Variants in CRACR2A observed in about 807,000 individuals in gnomAD.
The protein encoded by CRACR2A is EF-hand calcium-binding domain-containing protein 4B.
CRACR2A carries 79 observed loss-of-function variants against 90.5 expected under a neutral mutation model. That is an observed-to-expected ratio of 0.87 (90% CI 0.73 to 1.05). CRACR2A has a LOEUF of 1.05. Ranked by LOEUF, CRACR2A falls within the 50% of genes least tolerant of loss-of-function variation. The pLI, the probability that CRACR2A is intolerant of heterozygous loss-of-function variation, is 0.00. For missense variants in CRACR2A, 823 were observed against 897.2 expected, an observed-to-expected ratio of 0.92 and a Z score of 1.06; for synonymous variants, 338 against 356.7, an observed-to-expected ratio of 0.95 and a Z score of 0.59.
At chr12:3,656,488 T>G (rs1944911510) in intron 8 of CRACR2A, 82 bp from the exon 9 acceptor site, 1 of 1,247,022 alleles carries the variant, frequency 8.0e-7, no homozygotes, top group Non-Finnish European at 1.2e-6. Flanking sequence ...ACCTTGAACC[T>G]ACTCAACATC....
At chr12:3,640,899 A>G (rs1944554225) in intron 13 of CRACR2A, 1 of 1,149,672 alleles carries the variant, frequency 8.7e-7, no homozygotes, top group African/African-American at 1.6e-5. Context: ...AAGAGCAACA[A>G]AATGTGTTAT....
Position 3,634,312 on chromosome 12 carries a change from C to A in CRACR2A, c.1603-576G>T, listed in dbSNP as rs766926860. On this transcript the variant is annotated intron_variant, in intron 14 of 19. Coordinates refer to ENST00000440314, the MANE Select transcript of CRACR2A (RefSeq NM_001144958.2). The stretch of plus-strand genomic sequence containing the variant: ...GGATGCTTTTGCCTCCCTCTCCGTC[C>A]ATCTTATCGGTTCCCATCGAGGCAC... Among the ~76,000 whole-genome samples the A allele has an allele frequency of 2.0e-5, 3 of 152,254 alleles. No homozygotes were observed. The South Asian group carries it at 6.2e-4, about 32-fold the overall frequency.
Position 3,622,449 on chromosome 12 carries a change from A to T in CRACR2A, c.1933-3077T>A, listed in dbSNP as rs183771940. On this transcript the variant is annotated intron_variant, in intron 17 of 19. Coordinates refer to ENST00000440314, the MANE Select transcript of CRACR2A (RefSeq NM_001144958.2). Reference sequence around the variant, plus strand: ...CCCTCTAACAGAGAGCCTTCCCTCCACCTTCAGTTATTTCAGCTGCCTTTC... The same window carrying T: ...CCCTCTAACAGAGAGCCTTCCCTCCTCCTTCAGTTATTTCAGCTGCCTTTC... Among the ~76,000 whole-genome samples, 232 of 152,032 alleles carry T rather than the reference A, an allele frequency of 1.5e-3. 1 individual carries two copies. The highest frequency in any genetic ancestry group is 2.5e-3 in the Non-Finnish European group (173 of 67,986).
At chr12:3,697,749 T>C (rs528692518) in intron 3 of CRACR2A, among the ~76,000 whole-genome samples, 3 of 152,276 alleles carry the variant, frequency 2.0e-5, no homozygotes, top group African/African-American at 7.2e-5. Context: ...TTTATTTACG[T>C]AGGAGAAAAT....
intron 11 of CRACR2A, 72 bp downstream of exon 11, chr12:3,648,470 C>G: frequency 6.2e-7 from 1 of 1,612,124 alleles, no homozygotes; most frequent in Non-Finnish European, 8.5e-7. Flanking sequence ...CAAGGATGAC[C>G]CTCAGACTGG....
intron 3 of CRACR2A, 118 bp from the exon 4 acceptor site, chr12:3,697,153 T>G: frequency 8.1e-6 from 10 of 1,236,848 alleles, no homozygotes; most frequent in Middle Eastern, 2.3e-4. Context: ...CAGGAATCTC[T>G]TAGCAACTAC....
intron 10 of CRACR2A, among the ~76,000 whole-genome samples, chr12:3,652,756 A>G (rs4766156): frequency 0.56 from 84,646 of 151,826 alleles, 24,495 homozygotes; most frequent in East Asian, 0.89. Context: ...TTTCAGGATC[A>G]GACACACAAC....
chr12:3,660,452 A>G (rs569287831), intron 7 of CRACR2A, among the ~76,000 whole-genome samples: 70 of 152,104 alleles, frequency 4.6e-4, no homozygotes, highest in Non-Finnish European at 7.8e-4. Context: ...GAAAGTAAGT[A>G]CCTAGAGAGA....
intron 11 of CRACR2A, among the ~76,000 whole-genome samples, chr12:3,646,104 C>G (rs1195591882): frequency 6.6e-6 from 1 of 152,138 alleles, no homozygotes; most frequent in African/African-American, 2.4e-5. Context: ...AGCTGTGAAA[C>G]AGGAGCAAGC....
chr12:3,644,834 T>C (rs926437393), intron 11 of CRACR2A, among the ~76,000 whole-genome samples, 194 bp from the exon 12 acceptor site: 1 of 152,144 alleles, frequency 6.6e-6, no homozygotes, highest in Admixed American at 6.5e-5. Context: ...TACACACAGA[T>C]GTGGGGGATA....
At position 3,648,618 on chromosome 12, in the gene CRACR2A, G is replaced by C. The variant is rs1242516140; in HGVS notation, c.1047-5C>G. Reference sequence around the variant, plus strand: ...TCCGTCACACGGTACACTTCCCTGAGGAGGAGGCAAACACATGGCAGTGAG... The same window carrying C: ...TCCGTCACACGGTACACTTCCCTGACGAGGAGGCAAACACATGGCAGTGAG... On this transcript the variant is annotated splice_region_variant and splice_polypyrimidine_tract_variant and intron_variant, in intron 10 of 19. Transcript: ENST00000440314. 6 of 1,611,576 alleles carry C rather than the reference G, an allele frequency of 3.7e-6. No homozygotes were observed. Among genetic ancestry groups the C allele is most frequent in the Admixed American group, 1.7e-5 (1 of 59,932 alleles).
intron 10 of CRACR2A, among the ~76,000 whole-genome samples, chr12:3,651,326 T>A (rs1944790849): frequency 1.3e-5 from 2 of 152,260 alleles, no homozygotes; most frequent in Non-Finnish European, 2.9e-5. Flanking sequence ...TGTGCCTGCA[T>A]ATACAGAGCA....
At chr12:3,631,651 T>C (rs1013213322) in intron 15 of CRACR2A, among the ~76,000 whole-genome samples, 2 of 152,196 alleles carry the variant, frequency 1.3e-5, no homozygotes, top group Middle Eastern at 3.2e-3. Flanking sequence ...ATTTTTGTCT[T>C]GGGATGCTCT....
At chr12:3,638,995 G>A (rs1330928546) in intron 13 of CRACR2A, among the ~76,000 whole-genome samples, 1 of 151,986 alleles carries the variant, frequency 6.6e-6, no homozygotes, top group Non-Finnish European at 1.5e-5. Context: ...TGTAAAACGT[G>A]GCCCATCTGC....
At chr12:3,696,682 G>A in intron 4 of CRACR2A, 90 bp downstream of exon 4, 1 of 1,558,030 alleles carries the variant, frequency 6.4e-7, no homozygotes, top group Non-Finnish European at 8.7e-7. Context: ...TTTCTGTTAA[G>A]GATGTCACCT....
At chr12:3,725,633 C>T (rs1196130695) in intron 2 of CRACR2A, among the ~76,000 whole-genome samples, 1 of 152,190 alleles carries the variant, frequency 6.6e-6, no homozygotes, top group Non-Finnish European at 1.5e-5. Context: ...ACCATTCGCC[C>T]CTCTGCAGGC....
At chr12:3,656,431 A>C (rs768699154) in intron 8 of CRACR2A, 25 bp from the exon 9 acceptor site, 8 of 1,611,740 alleles carry the variant, frequency 5.0e-6, no homozygotes, top group Non-Finnish European at 2.5e-6. Context: ...AGAGGGACAC[A>C]CAGGACCCAA....
At chr12:3,741,167 C>G (rs1485629916) in intron 1 of CRACR2A, among the ~76,000 whole-genome samples, 1 of 152,190 alleles carries the variant, frequency 6.6e-6, no homozygotes, top group Non-Finnish European at 1.5e-5. Flanking sequence ...AGTTCCCACT[C>G]TATTTCAGGG....
chr12:3,659,471 C>T lies in CRACR2A; in HGVS notation c.762+93G>A, dbSNP rs967502337. On this transcript the variant is annotated intron_variant, in intron 8 of 19. Transcript: ENST00000440314. ...GCAGAGAAAGAGGGAATCAATAGTGCATGGATGGGGGCACCAAAATCTTAA... is the reference window on the plus strand; with the variant it reads ...GCAGAGAAAGAGGGAATCAATAGTGTATGGATGGGGGCACCAAAATCTTAA... 33 of 1,035,336 alleles carry T rather than the reference C, an allele frequency of 3.2e-5. No individual in the cohort carries two copies. In the African/African-American group the frequency reaches 3.2e-4, roughly 10 times the overall value. The allele number at this position is 1,035,336 out of a possible 1,614,324, so 64.1% of individuals were successfully genotyped here.
Sources: gnomAD v4.1 joint callset for allele counts (sites outside exome capture counted in the v4.1 genomes callset) on GRCh38, gnomAD v4.1.1 for gene constraint, MANE v1.5 for transcripts, NCBI Gene and HGNC (gene_info 2026-07-23, HGNC 2026-07-21) for gene names.